LRPPRC: variants seen among roughly 807,000 people sequenced by gnomAD.
LRPPRC encodes leucine rich pentatricopeptide repeat containing.
Under a neutral mutation model 180.3 loss-of-function variants are expected in LRPPRC, and 120 were observed. The observed-to-expected ratio is 0.67, with a 90% CI of 0.57 to 0.77. The LOEUF (loss-of-function observed/expected upper bound fraction) is 0.77. Among genes scored for constraint, LRPPRC ranks in the 30% least tolerant of loss-of-function variants. The pLI is 0.00. For missense variants in LRPPRC, 2,012 were observed against 1,657.2 expected (o/e 1.21, Z -3.72); for synonymous variants, 723 against 600.0 (o/e 1.21, Z -3.00).
intron 14 of LRPPRC, among the ~76,000 whole-genome samples, chr2:43,954,828 T>C (rs1208139435): frequency 6.6e-6 from 1 of 152,208 alleles, no homozygotes; most frequent in Non-Finnish European, 1.5e-5. Flanking sequence ...CCTCCAGATA[T>C]AAATGCTTAG....
chr2:43,933,841 G>C (rs1672177373), intron 25 of LRPPRC, among the ~76,000 whole-genome samples: 1 of 152,116 alleles, frequency 6.6e-6, no homozygotes, highest in East Asian at 1.9e-4. Flanking sequence ...CTGCTTTTAA[G>C]AACAAAGAAT....
intron 2 of LRPPRC, among the ~76,000 whole-genome samples, chr2:43,981,961 G>A (rs1674327673): frequency 6.6e-6 from 1 of 151,946 alleles, no homozygotes; most frequent in South Asian, 2.1e-4. Context: ...AGGCTGGAGT[G>A]CAGTTGTGCG....
At chr2:43,902,196 G>A (rs547724549) in intron 31 of LRPPRC, 1 of 152,378 alleles carries the variant, frequency 6.6e-6, no homozygotes, top group East Asian at 1.9e-4. Flanking sequence ...GGTAAGTTGA[G>A]GAGCATCAGT....
intron 1 of LRPPRC, among the ~76,000 whole-genome samples, chr2:43,988,716 A>T (rs1674643112): frequency 6.6e-6 from 1 of 151,020 alleles, no homozygotes; most frequent in South Asian, 2.1e-4. Context: ...TTTTTTTGTT[A>T]TTTTTTTCAG....
intron 11 of LRPPRC, among the ~76,000 whole-genome samples, chr2:43,970,589 A>G (rs1255643585): frequency 1.3e-5 from 2 of 152,264 alleles, no homozygotes; most frequent in African/African-American, 4.8e-5. Context: ...TAAATAATCT[A>G]ATAAAAATAT....
chr2:43,923,064 A>G (rs951605287), intron 27 of LRPPRC, among the ~76,000 whole-genome samples: 2 of 152,092 alleles, frequency 1.3e-5, no homozygotes, highest in Non-Finnish European at 2.9e-5. Context: ...CAGGTGTCCA[A>G]TAGGACACAT....
rs1181025829 is a variant in LRPPRC, at chr2:43,995,808, G to C, written c.140C>G (p.Pro47Arg). The C allele has an allele frequency of 3.2e-5, 45 of 1,403,512 alleles. No individual in the cohort carries two copies. The Admixed American group carries it at 5.2e-4, about 16-fold the overall frequency. The allele number at this position is 1,403,512 out of a possible 1,614,324, so 86.9% of individuals were successfully genotyped here. Residue 47 changes from proline to arginine, a missense_variant, in exon 1 of 38, where the codon CCC becomes CGC. Pro to Arg is a moderately radical substitution (Grantham distance 103). Coordinates refer to ENST00000260665, the MANE Select transcript of LRPPRC (RefSeq NM_133259.4). ...ASYLPAARAGPVAGGLLSPAR... is the reference protein window; with the variant it reads ...ASYLPAARAGRVAGGLLSPAR... The stretch of plus-strand genomic sequence containing the variant: ...GGGCCTGGGCACTCACCCGGCCACG[G>C]GCCCGGCGCGAGCGGCGGGCAGATA...
chr2:43,916,506 T>C (rs1372484980), intron 29 of LRPPRC, among the ~76,000 whole-genome samples: 1 of 152,194 alleles, frequency 6.6e-6, no homozygotes, highest in Non-Finnish European at 1.5e-5. Flanking sequence ...CTTCAACACA[T>C]ACTAGTATAG....
chr2:43,953,912 G>A (rs1208982380), intron 14 of LRPPRC, among the ~76,000 whole-genome samples: 1 of 152,148 alleles, frequency 6.6e-6, no homozygotes, highest in Non-Finnish European at 1.5e-5. Flanking sequence ...GTTCATGCCT[G>A]TAATCCCAGC....
Position 43,974,312 on chromosome 2 carries a change from G to A in LRPPRC, c.1010-17C>T. 6.3e-7 allele frequency: 1 copy of A among 1,588,044 alleles called. No homozygotes were observed. Among genetic ancestry groups the A allele is most frequent in the Non-Finnish European group, 8.6e-7 (1 of 1,156,308 alleles). On this transcript the variant is annotated splice_polypyrimidine_tract_variant and intron_variant, in intron 8 of 37. Transcript: ENST00000260665. ...TCATTGCATCTGGGAAGAAAACAAA[G>A]ACATCTTTTGTTAATAAACTGAACA...
chr2:43,939,366 A>G (rs1672393887), intron 23 of LRPPRC, among the ~76,000 whole-genome samples: 1 of 152,210 alleles, frequency 6.6e-6, no homozygotes, highest in Non-Finnish European at 1.5e-5. Context: ...TATTTGGAAT[A>G]AAGTACTTTA....
intron 30 of LRPPRC, among the ~76,000 whole-genome samples, chr2:43,908,942 G>A (rs192535216): frequency 5.9e-5 from 9 of 152,290 alleles, no homozygotes; most frequent in East Asian, 1.9e-4. Flanking sequence ...GGGCGGTACC[G>A]CCACTTGCTA....
chr2:43,971,972 C>T (rs1673835648), intron 11 of LRPPRC, among the ~76,000 whole-genome samples: 1 of 146,222 alleles, frequency 6.8e-6, no homozygotes, highest in Non-Finnish European at 1.5e-5. Context: ...AAACCTTCAT[C>T]GATTAAAAAA....
intron 36 of LRPPRC, among the ~76,000 whole-genome samples, chr2:43,891,032 GCAAT>G (rs1417704324): frequency 6.6e-6 from 1 of 152,220 alleles, no homozygotes; most frequent in African/African-American, 2.4e-5. Flanking sequence ...GAGACGTTCA[GCAAT>G]CAAAGAGTCT....
At chr2:43,905,538 T>G (rs958423990) in intron 31 of LRPPRC, among the ~76,000 whole-genome samples, 154 bp downstream of exon 31, 3 of 152,236 alleles carry the variant, frequency 2.0e-5, no homozygotes, top group Non-Finnish European at 2.9e-5. Context: ...TATAAATGCA[T>G]GTACAGTAAT....
At chr2:43,902,296 T>C (rs904752896) in intron 31 of LRPPRC, 1 of 152,216 alleles carries the variant, frequency 6.6e-6, no homozygotes, top group African/African-American at 2.4e-5. Context: ...GCCTTCTAGC[T>C]AACTGACTCA....
At chr2:43,990,522 G>T (rs1298352366) in intron 1 of LRPPRC, among the ~76,000 whole-genome samples, 1 of 152,118 alleles carries the variant, frequency 6.6e-6, no homozygotes, top group African/African-American at 2.4e-5. Context: ...AATCTTGGTA[G>T]CCTCAAGAAA....
At position 43,976,239 on chromosome 2, in the gene LRPPRC, A is replaced by G. The variant is rs757388941; in HGVS notation, c.651-10T>C. On this transcript the variant is annotated splice_polypyrimidine_tract_variant and intron_variant, in intron 5 of 37. Transcript: ENST00000260665. ...AAATCCAAGAATCTTGCTGCAAAGG[A>G]AAAACGAAGATACTCATTGAAAGTA... 13 of 1,461,084 alleles carry G rather than the reference A, an allele frequency of 8.9e-6. No homozygotes were observed. Among genetic ancestry groups the G allele is most frequent in the African/African-American group, 8.3e-5 (6 of 72,038 alleles). 90.5% of individuals were successfully genotyped at this position (1,461,084 alleles called of 1,614,324 possible). A position where few individuals can be genotyped will look rare whatever the true frequency, so the allele number is the denominator to read the frequency against.
chr2:43,985,151 A>T (rs946517793), intron 1 of LRPPRC, among the ~76,000 whole-genome samples: 6 of 151,944 alleles, frequency 3.9e-5, no homozygotes, highest in South Asian at 4.1e-4. Flanking sequence ...CCATTTTTTT[A>T]AAAAATAAAC....
Sources: gnomAD v4.1 joint callset for allele counts (sites outside exome capture counted in the v4.1 genomes callset) on GRCh38, gnomAD v4.1.1 for gene constraint, MANE v1.5 for transcripts, NCBI Gene and HGNC (gene_info 2026-07-23, HGNC 2026-07-21) for gene names.